Variants in VIT observed in about 807,000 individuals in gnomAD.
VIT encodes vitrin.
VIT carries 99 observed loss-of-function variants against 78.0 expected under a neutral mutation model. That is an observed-to-expected ratio of 1.27 (90% CI 1.08 to 1.50). The LOEUF (loss-of-function observed/expected upper bound fraction) is 1.50, where lower values mean the gene tolerates loss of function less well. Ranked by LOEUF, VIT falls within the 40% of genes most tolerant of loss-of-function variation. The pLI is 0.00. For synonymous variants in VIT, 374 were observed against 334.3 expected, an observed-to-expected ratio of 1.12 and a Z score of -1.29; for missense variants, 1,126 against 875.3, an observed-to-expected ratio of 1.29 and a Z score of -3.61.
chr2:36,723,225 T>C (rs541821498), intron 2 of VIT, among the ~76,000 whole-genome samples: 17 of 152,220 alleles, frequency 1.1e-4, no homozygotes, highest in Non-Finnish European at 2.4e-4. Context: ...ATTGTTGGCG[T>C]GTTTTCAACA....
intron 1 of VIT, among the ~76,000 whole-genome samples, chr2:36,698,992 C>T (rs927591153): frequency 4.7e-5 from 4 of 85,134 alleles, no homozygotes; most frequent in African/African-American, 1.7e-4. Flanking sequence ...CTTTTATTCC[C>T]CACATATTAA....
intron 7 of VIT, among the ~76,000 whole-genome samples, chr2:36,770,936 C>A (rs971752678): frequency 6.6e-6 from 1 of 152,176 alleles, no homozygotes; most frequent in Non-Finnish European, 1.5e-5. Flanking sequence ...CACCTCTCTA[C>A]CCTGGGCTCC....
At chr2:36,739,982 A>G (rs891270174) in intron 3 of VIT, among the ~76,000 whole-genome samples, 1 of 152,200 alleles carries the variant, frequency 6.6e-6, no homozygotes, top group Non-Finnish European at 1.5e-5. Context: ...TTTTCACCTG[A>G]GGTTAGCTGT....
intron 3 of VIT, among the ~76,000 whole-genome samples, chr2:36,737,261 G>C (rs1305567037): frequency 6.6e-6 from 1 of 152,206 alleles, no homozygotes; most frequent in East Asian, 1.9e-4. Context: ...TCAGGAAGCA[G>C]TGAAAGGCAA....
At chr2:36,765,705 A>G (rs898099156) in intron 6 of VIT, among the ~76,000 whole-genome samples, 1 of 152,266 alleles carries the variant, frequency 6.6e-6, no homozygotes, top group Non-Finnish European at 1.5e-5. Flanking sequence ...CATGGCCACA[A>G]GCCAAGGAAT....
intron 15 of VIT, among the ~76,000 whole-genome samples, chr2:36,811,968 G>A (rs115284083): frequency 0.045 from 6,774 of 152,152 alleles, 208 homozygotes; most frequent in Middle Eastern, 0.065. Context: ...GAGCCACCAC[G>A]CCTGGCCCGG....
At chr2:36,811,132 G>A (rs1667135726) in intron 15 of VIT, among the ~76,000 whole-genome samples, 1 of 152,172 alleles carries the variant, frequency 6.6e-6, no homozygotes, top group Non-Finnish European at 1.5e-5. Flanking sequence ...TCATAATGGT[G>A]GGATGGCTGG....
At chr2:36,794,687 G>C (rs1248258053) in intron 12 of VIT, among the ~76,000 whole-genome samples, 1 of 152,126 alleles carries the variant, frequency 6.6e-6, no homozygotes, top group African/African-American at 2.4e-5. Context: ...TAATTCCCTT[G>C]GTGGATGAGT....
At chr2:36,704,575 C>T (rs1374813245) in intron 1 of VIT, among the ~76,000 whole-genome samples, 1 of 152,132 alleles carries the variant, frequency 6.6e-6, no homozygotes, top group Admixed American at 6.5e-5. Context: ...AGGTGGTTGC[C>T]TTTGGAGAGC....
chr2:36,760,198 T>A (rs979749980), intron 6 of VIT, among the ~76,000 whole-genome samples: 4 of 152,226 alleles, frequency 2.6e-5, no homozygotes, highest in South Asian at 4.1e-4. Flanking sequence ...TTTCACCATG[T>A]TGGCCAGGAT....
intron 14 of VIT, among the ~76,000 whole-genome samples, chr2:36,807,705 A>G (rs897973902): frequency 4.6e-5 from 7 of 152,178 alleles, no homozygotes; most frequent in African/African-American, 1.7e-4. Flanking sequence ...GAGCGCAACA[A>G]TCAGTTTGCT....
At chr2:36,720,275 A>G (rs955503413) in intron 2 of VIT, among the ~76,000 whole-genome samples, 5 of 152,250 alleles carry the variant, frequency 3.3e-5, no homozygotes, top group African/African-American at 1.2e-4. Context: ...ACAGCATGGT[A>G]CTGGCATAAA....
chr2:36,807,963 A>G (rs1210563980), intron 14 of VIT, among the ~76,000 whole-genome samples: 1 of 151,976 alleles, frequency 6.6e-6, no homozygotes, highest in Non-Finnish European at 1.5e-5. Flanking sequence ...ATCTGATGGG[A>G]CCCCTAACAT....
Position 36,787,083 on chromosome 2 carries a change from G to A in VIT, c.911-46G>A, listed in dbSNP as rs377314783. The A allele has an allele frequency of 5.0e-5, 80 of 1,608,944 alleles. 1 individual carries two copies. In the East Asian group the frequency reaches 7.6e-4, roughly 15 times the overall value. The stretch of plus-strand genomic sequence containing the variant: ...GGAACAAGAGGATGCCCAGGTAAAT[G>A]CAGTGAGAGATCATGAGAATAATAG... On this transcript the variant is annotated intron_variant, in intron 11 of 15. Transcript: ENST00000379242.
intron 6 of VIT, among the ~76,000 whole-genome samples, chr2:36,762,507 G>A (rs1669186480): frequency 6.6e-6 from 1 of 152,160 alleles, no homozygotes; most frequent in South Asian, 2.1e-4. Context: ...GGATAGAAGA[G>A]CCTCTCTCTG....
chr2:36,727,692 G>C (rs149468552), intron 2 of VIT, among the ~76,000 whole-genome samples: 1 of 152,282 alleles, frequency 6.6e-6, no homozygotes, highest in African/African-American at 2.4e-5. Context: ...TCATAACAAT[G>C]TCTCAGTCAA....
chr2:36,752,687 G>T lies in VIT; in HGVS notation c.276-2234G>T, dbSNP rs578136993. ...CTCCTCCTCCAGTGTCTCCTACATT[G>T]GTCAAGCCTCCTGTGCATCCTGCTT... On this transcript the variant is annotated intron_variant, in intron 4 of 15. Transcript: ENST00000379242. Among the ~76,000 whole-genome samples, 434 of 152,268 alleles carry T rather than the reference G, an allele frequency of 2.9e-3. 1 individual carries two copies. The highest frequency in any genetic ancestry group is 5.4e-3 in the Non-Finnish European group (365 of 68,012).
intron 3 of VIT, among the ~76,000 whole-genome samples, chr2:36,731,206 G>C (rs1299354372): frequency 6.6e-6 from 1 of 152,104 alleles, no homozygotes; most frequent in Non-Finnish European, 1.5e-5. Context: ...AGAAAGTTCA[G>C]TAGAACCCCT....
intron 12 of VIT, among the ~76,000 whole-genome samples, chr2:36,790,211 A>C (rs1665391111): frequency 6.6e-6 from 1 of 152,016 alleles, no homozygotes; most frequent in African/African-American, 2.4e-5. Flanking sequence ...ACAGAAAACC[A>C]CTCCAGGTAG....
Sources: gnomAD v4.1 joint callset for allele counts (sites outside exome capture counted in the v4.1 genomes callset) on GRCh38, gnomAD v4.1.1 for gene constraint, MANE v1.5 for transcripts, NCBI Gene and HGNC (gene_info 2026-07-23, HGNC 2026-07-21) for gene names.